Variants in NNT observed in about 807,000 individuals in gnomAD.
The protein encoded by NNT is nicotinamide nucleotide transhydrogenase, also known as NAD(P) transhydrogenase, mitochondrial.
In NNT, 50 loss-of-function variants were observed where a neutral mutation model predicts 104.8. The observed-to-expected ratio is 0.48, with a 90% CI of 0.38 to 0.60. The LOEUF (loss-of-function observed/expected upper bound fraction) is 0.60, where lower values mean the gene tolerates loss of function less well. NNT is among the 20% of genes least tolerant of loss of function. The pLI, the probability that NNT is intolerant of heterozygous loss-of-function variation, is 0.00. For synonymous variants in NNT, 461 were observed against 490.4 expected (o/e 0.94, Z 0.79); for missense variants, 1,131 against 1,330.7 (o/e 0.85, Z 2.33).
At chr5:43,681,745 T>C (rs1259048132) in intron 19 of NNT, among the ~76,000 whole-genome samples, 2 of 152,190 alleles carry the variant, frequency 1.3e-5, no homozygotes, top group African/African-American at 4.8e-5. Context: ...TGCTTTCATG[T>C]TAATGTTCTG....
intron 18 of NNT, among the ~76,000 whole-genome samples, 158 bp downstream of exon 18, chr5:43,675,828 G>C (rs1654010340): frequency 6.6e-6 from 1 of 152,088 alleles, no homozygotes; most frequent in South Asian, 2.1e-4. Flanking sequence ...AAAATACTGA[G>C]AATTCTCAGT....
Position 43,651,739 on chromosome 5 carries a change from G to A in NNT, c.1718G>A (p.Gly573Asp). 1 of 1,614,000 alleles carries A rather than the reference G, an allele frequency of 6.2e-7. No homozygotes were observed. Among genetic ancestry groups the A allele is most frequent in the Non-Finnish European group, 8.5e-7 (1 of 1,179,980 alleles). ...AAFISSVNIA[G>D]GFLVTQRMLD... Reference sequence around the variant, plus strand: ...TTTTTATTTCCTTTGGTTTGCTAAGGTGGCTTTCTGGTGACTCAGAGAATG... The same window carrying A: ...TTTTTATTTCCTTTGGTTTGCTAAGATGGCTTTCTGGTGACTCAGAGAATG... Residue 573 changes from glycine (G) to aspartate (D), a missense_variant and splice_region_variant, in exon 13 of 22, where the codon GGT becomes GAT. Physicochemically the swap from Gly to Asp is moderately conservative, Grantham distance 94. Transcript: ENST00000344920.
chr5:43,614,467 T>C (rs541103010), intron 3 of NNT, among the ~76,000 whole-genome samples: 105 of 152,318 alleles, frequency 6.9e-4, no homozygotes, highest in Admixed American at 2.2e-3. Context: ...AATTCAGAGT[T>C]GTTTTCTAAC....
At chr5:43,669,592 T>A (rs1189936684) in intron 17 of NNT, among the ~76,000 whole-genome samples, 1 of 152,128 alleles carries the variant, frequency 6.6e-6, no homozygotes, top group African/African-American at 2.4e-5. Flanking sequence ...TTTATTGATT[T>A]GTGTATGTTG....
chr5:43,647,407 T>TAAA (rs1210241560), intron 10 of NNT, among the ~76,000 whole-genome samples: 1 of 152,250 alleles, frequency 6.6e-6, no homozygotes, highest in Non-Finnish European at 1.5e-5. Context: ...GTTTCTCTTA[T>TAAA]ATTTCTTGAA....
chr5:43,660,276 T>G (rs1232675517), intron 17 of NNT, among the ~76,000 whole-genome samples: 1 of 152,194 alleles, frequency 6.6e-6, no homozygotes, highest in Non-Finnish European at 1.5e-5. Context: ...TGTGAGAGTT[T>G]CTACCTTAGA....
In NNT at chr5:43,651,931, C is replaced by T. The variant is rs1422359788; in HGVS notation, c.1863+47C>T. 5 of 1,580,432 alleles carry T rather than the reference C, an allele frequency of 3.2e-6. No individual in the cohort carries two copies. In the African/African-American group the frequency reaches 4.1e-5, roughly 13 times the overall value. ...TTTATATTTACCACAATATTTTCTT[C>T]TCTATTAGATTTAACATTGTTAGTT... On this transcript the variant is annotated intron_variant, in intron 13 of 21. Transcript: ENST00000344920.
In NNT at chr5:43,704,814, C is replaced by T. The variant is rs73753606; in HGVS notation, c.*410C>T. 268 of 155,270 alleles carry T rather than the reference C, an allele frequency of 1.7e-3. 1 individual carries two copies. Among genetic ancestry groups the T allele is most frequent in the African/African-American group, 6.4e-3 (261 of 40,916 alleles). 9.6% of individuals were successfully genotyped at this position (155,270 alleles called of 1,614,324 possible). ...TCTGACACAATGTAAACATTGCAGGCACCTGCATTTTATGTTTTTTTTTTC... is the reference window on the plus strand; with the variant it reads ...TCTGACACAATGTAAACATTGCAGGTACCTGCATTTTATGTTTTTTTTTTC... On this transcript the variant is annotated 3_prime_UTR_variant, in exon 22 of 22. Transcript: ENST00000344920.
intron 17 of NNT, among the ~76,000 whole-genome samples, chr5:43,670,640 T>TGA (rs1446819786): frequency 6.6e-6 from 1 of 152,244 alleles, no homozygotes; most frequent in Non-Finnish European, 1.5e-5. Context: ...CACTGTGGTC[T>TGA]GAGAGAGAGT....
chr5:43,686,171 A>G (rs62368574), intron 19 of NNT, among the ~76,000 whole-genome samples: 5,661 of 151,656 alleles, frequency 0.037, 215 homozygotes, highest in East Asian at 0.2. Flanking sequence ...CTTTTTTATT[A>G]TCTAATGTTC....
At chr5:43,645,333 G>A (rs371258247) in intron 9 of NNT, 24 bp from the exon 10 acceptor site, 104 of 1,410,092 alleles carry the variant, frequency 7.4e-5, no homozygotes, top group African/African-American at 5.6e-4. Flanking sequence ...TTTTTAATAC[G>A]TACTATTTTT....
chr5:43,699,922 T>C (rs1561333875), intron 19 of NNT, among the ~76,000 whole-genome samples, 197 bp from the exon 20 acceptor site: 1 of 152,246 alleles, frequency 6.6e-6, no homozygotes. Flanking sequence ...CACACTAAAA[T>C]ACTGAAACTT....
At chr5:43,636,336 G>T (rs114644475) in intron 7 of NNT, among the ~76,000 whole-genome samples, 1 of 152,140 alleles carries the variant, frequency 6.6e-6, no homozygotes, top group South Asian at 2.1e-4. Flanking sequence ...ATTGAAGATG[G>T]TGCCTCATGA....
chr5:43,619,171 G>GGTAT (rs1749941234), intron 5 of NNT, 52 bp downstream of exon 5: 1 of 1,027,650 alleles, frequency 9.7e-7, no homozygotes, highest in Admixed American at 2.6e-5. Context: ...TAAAGGAAAG[G>GGTAT]GTATGTATAG....
At chr5:43,615,546 T>C (rs1749741821) in intron 3 of NNT, among the ~76,000 whole-genome samples, 1 of 152,214 alleles carries the variant, frequency 6.6e-6, no homozygotes, top group Non-Finnish European at 1.5e-5. Context: ...AGGTTTGCTG[T>C]AGAGCTTCCA....
At chr5:43,634,377 A>G (rs1380324154) in intron 7 of NNT, among the ~76,000 whole-genome samples, 1 of 152,082 alleles carries the variant, frequency 6.6e-6, no homozygotes, top group Non-Finnish European at 1.5e-5. Context: ...AAGAATAACT[A>G]TACTCTCTAG....
chr5:43,618,044 A>C (rs2111592481), intron 4 of NNT, among the ~76,000 whole-genome samples: 1 of 152,334 alleles, frequency 6.6e-6, no homozygotes, highest in South Asian at 2.1e-4. Flanking sequence ...CCAAGTAAGA[A>C]TGCAAAAGTG....
intron 10 of NNT, chr5:43,647,887 A>G: frequency 4.4e-6 from 2 of 451,298 alleles, no homozygotes; most frequent in South Asian, 1.6e-5. Flanking sequence ...TTTTTACAAG[A>G]ATTCAGCAGT....
At chr5:43,667,360 G>T (rs188421306) in intron 17 of NNT, 2 of 488,004 alleles carry the variant, frequency 4.1e-6, no homozygotes, top group Non-Finnish European at 3.7e-6. Context: ...CCATGTTGGT[G>T]TGCTGCACCC....
Sources: gnomAD v4.1 joint callset for allele counts (sites outside exome capture counted in the v4.1 genomes callset) on GRCh38, gnomAD v4.1.1 for gene constraint, MANE v1.5 for transcripts, NCBI Gene and HGNC (gene_info 2026-07-23, HGNC 2026-07-21) for gene names.